Variants in GRM4 observed in about 807,000 individuals in gnomAD.
The protein encoded by GRM4 is glutamate metabotropic receptor 4, also known as metabotropic glutamate receptor 4.
Under a neutral mutation model 81.7 loss-of-function variants are expected in GRM4, and 28 were observed. That is an observed-to-expected ratio of 0.34 (90% CI 0.25 to 0.47). GRM4 has a LOEUF of 0.47. Among genes scored for constraint, GRM4 ranks in the 20% least tolerant of loss-of-function variants. The probability of loss-of-function intolerance (pLI) is 1.00; values close to 1 mark genes in which losing one functional copy is unlikely to be tolerated. For missense variants in GRM4, 948 were observed against 1,290.0 expected (o/e 0.73, Z 4.06); for synonymous variants, 488 against 528.8 (o/e 0.92, Z 1.06).
In GRM4 at chr6:34,069,081, A is replaced by C. The variant is rs117116581; in HGVS notation, c.737-7053T>G. 6.6e-6 allele frequency among the ~76,000 whole-genome samples: 1 copy of C among 151,830 alleles called. No individual in the cohort carries two copies. The highest frequency in any genetic ancestry group is 2.4e-5 in the African/African-American group (1 of 41,320). ...GGGAGTTACACACAGGGACAGGGGC[A>C]GGAGAGCAGGTCCCCCCGGCTCCCA... On this transcript the variant is annotated intron_variant, in intron 3 of 10. Transcript: ENST00000538487. This position sits in a 1 kb window ranked among gnomAD's most constrained non-coding sequence, Gnocchi z 6.4.
chr6:34,028,233 C>T lies in GRM4; in HGVS notation c.2576G>A (p.Ser859Asn). 6.2e-7 allele frequency: 1 copy of T among 1,614,102 alleles called. No individual in the cohort carries two copies. Among genetic ancestry groups the T allele is most frequent in the Non-Finnish European group, 8.5e-7 (1 of 1,180,026 alleles). Reference sequence around the variant, plus strand: ...GGCCGCCGTAACGACGGCTTTGAGGCTGCGCTTGCGCTTGGGCACGTTCTG... The same window carrying T: ...GGCCGCCGTAACGACGGCTTTGAGGTTGCGCTTGCGCTTGGGCACGTTCTG... ...PEQNVPKRKR[S>N]LKAVVTAATM... Residue 859 changes from serine (S) to asparagine (N), a missense_variant, in exon 10 of 11, where the codon AGC (serine) becomes AAC (asparagine). By Grantham distance (46) the Ser-to-Asn change is conservative. Coordinates refer to ENST00000538487, the MANE Select transcript of GRM4 (RefSeq NM_000841.4).
At chr6:34,100,141 G>T in intron 2 of GRM4, 1 of 645,752 alleles carries the variant, frequency 1.5e-6, no homozygotes, top group Non-Finnish European at 1.9e-6. Context: ...CTGTGCTCCA[G>T]TGCAATTGAT....
chr6:34,090,820 AT>A lies in GRM4; in HGVS notation c.736+1062del, dbSNP rs1768163251. Among the ~76,000 whole-genome samples the A allele has an allele frequency of 6.6e-6, 1 of 152,262 alleles. No homozygotes were observed. Among genetic ancestry groups the A allele is most frequent in the South Asian group, 2.1e-4 (1 of 4,820 alleles). ...GAGTCCTGAGGCCATGAGGGTATAA[AT>A]ATACAGACGCCATCACCCAAGGTCT... On this transcript the variant is annotated intron_variant, in intron 3 of 10. Coordinates refer to ENST00000538487, the MANE Select transcript of GRM4 (RefSeq NM_000841.4). This position sits in a 1 kb window ranked among gnomAD's most constrained non-coding sequence, Gnocchi z 5.2.
chr6:34,112,158 C>T (rs145146296), intron 2 of GRM4, among the ~76,000 whole-genome samples: 1 of 152,156 alleles, frequency 6.6e-6, no homozygotes, highest in Non-Finnish European at 1.5e-5. Context: ...TGAAATTAAT[C>T]AAACTTCTCC....
chr6:34,123,129 G>A (rs551560317), intron 2 of GRM4, among the ~76,000 whole-genome samples: 1 of 152,292 alleles, frequency 6.6e-6, no homozygotes, highest in South Asian at 2.1e-4. Flanking sequence ...GCAGAGGCAG[G>A]CCCCAAAAGC....
Position 34,020,868 on chromosome 6 carries a change from T to A in GRM4, c.*1953A>T, listed in dbSNP as rs1052909857. ...GTCCCAGCCTCAGTTATACACACAC[T>A]CTCATACTCTGTCCCTGCGTGGCCC... is the stretch of plus-strand genomic sequence containing the variant. On this transcript the variant is annotated 3_prime_UTR_variant, in exon 11 of 11. Transcript: ENST00000538487. 3 of 152,186 alleles carry A rather than the reference T, an allele frequency of 2.0e-5. No individual in the cohort carries two copies. The highest frequency in any genetic ancestry group is 2.9e-5 in the Non-Finnish European group (2 of 68,100). 9.4% of individuals were successfully genotyped at this position (152,186 alleles called of 1,614,324 possible).
At chr6:34,071,791 ATCACCAC>A (rs1470170398) in intron 3 of GRM4, among the ~76,000 whole-genome samples, 3 of 145,414 alleles carry the variant, frequency 2.1e-5, no homozygotes, top group South Asian at 2.2e-4. Context: ...TAGACACACA[ATCACCAC>A]TCACCACACA....
In GRM4 at chr6:34,089,687, CT is replaced by C. The variant is rs368552200; in HGVS notation, c.736+2195del. ...TTTTATTTTTCTAGATCATGAAGTC[CT>C]TTTAAAAAATCTTGAGTAGACTTTA... On this transcript the variant is annotated intron_variant, in intron 3 of 10. Transcript: ENST00000538487. This position sits in a 1 kb window ranked among gnomAD's most constrained non-coding sequence, Gnocchi z 4.3. Among the ~76,000 whole-genome samples the C allele has an allele frequency of 3.9e-4, 59 of 152,248 alleles. No homozygotes were observed. The highest frequency in any genetic ancestry group is 1.3e-3 in the African/African-American group (55 of 41,548).
intron 6 of GRM4, chr6:34,056,319 C>G (rs1357557024): frequency 3.5e-6 from 2 of 568,328 alleles, no homozygotes; most frequent in Non-Finnish European, 6.3e-6. Context: ...AGAGGCCTTA[C>G]CACTCCCAAG....
chr6:34,125,131 A>G (rs1310163785), intron 2 of GRM4, among the ~76,000 whole-genome samples: 6 of 151,980 alleles, frequency 3.9e-5, no homozygotes, highest in Admixed American at 6.5e-5. Flanking sequence ...CCGCCACCAC[A>G]CCCAGCTAAT....
chr6:34,115,249 C>CGT lies in GRM4; in HGVS notation c.519+17727_519+17728dup, dbSNP rs36116680. On this transcript the variant is annotated intron_variant, in intron 2 of 10. Coordinates refer to ENST00000538487, the MANE Select transcript of GRM4 (RefSeq NM_000841.4). This position sits in a 1 kb window ranked among gnomAD's most constrained non-coding sequence, Gnocchi z 4.1. Reference sequence around the variant, plus strand: ...GCATGTGTGCGTGCGTGCGTGTATGCGTGTGTGTGTGTGTGCATGCGTGTG... The same window carrying CGT: ...GCATGTGTGCGTGCGTGCGTGTATGCGTGTGTGTGTGTGTGTGCATGCGTGTG... Among the ~76,000 whole-genome samples the CGT allele has an allele frequency of 0.074, 11,192 of 151,250 alleles. 899 individuals are homozygous for CGT. The highest frequency in any genetic ancestry group is 0.21 in the African/African-American group (8,669 of 41,394).
Position 34,152,245 on chromosome 6 carries a change from C to A in GRM4, c.312+2834G>T, listed in dbSNP as rs1223505635. 6.6e-6 allele frequency among the ~76,000 whole-genome samples: 1 copy of A among 152,162 alleles called. No individual in the cohort carries two copies. The highest frequency in any genetic ancestry group is 1.5e-5 in the Non-Finnish European group (1 of 68,032). ...AGAGAGCTGGACGTAGGCCCCGGGA[C>A]CTCCCACCGGCAGAGCCTGGAGGAG... On this transcript the variant is annotated intron_variant, in intron 1 of 8. Coordinates refer to the GRM4 transcript ENST00000374177. This position sits in a 1 kb window ranked among gnomAD's most constrained non-coding sequence, Gnocchi z 4.1.
intron 2 of GRM4, among the ~76,000 whole-genome samples, chr6:34,104,737 TC>T (rs942242734): frequency 6.6e-6 from 1 of 152,074 alleles, no homozygotes; most frequent in Non-Finnish European, 1.5e-5. Flanking sequence ...CCCCACCACA[TC>T]CCTTGGGTGC....
intron 1 of GRM4, among the ~76,000 whole-genome samples, chr6:34,140,899 C>T (rs949674502): frequency 1.3e-5 from 2 of 152,254 alleles, no homozygotes; most frequent in African/African-American, 2.4e-5. Context: ...CCAAACTGCA[C>T]CGCATGAATA....
chr6:34,101,969 A>G, intron 2 of GRM4: 1 of 1,522,728 alleles, frequency 6.6e-7, no homozygotes, highest in South Asian at 1.2e-5. Flanking sequence ...GTGGACCTCC[A>G]CTGCCACCTG....
rs1174406175 is a variant in GRM4, at chr6:34,034,705, G to A, written c.2442+963C>T. Among the ~76,000 whole-genome samples, 1 of 152,240 alleles carries A rather than the reference G, an allele frequency of 6.6e-6. No individual in the cohort carries two copies. The highest frequency in any genetic ancestry group is 2.4e-5 in the African/African-American group (1 of 41,456). On this transcript the variant is annotated intron_variant, in intron 9 of 10. Coordinates refer to ENST00000538487, the MANE Select transcript of GRM4 (RefSeq NM_000841.4). This position sits in a 1 kb window ranked among gnomAD's most constrained non-coding sequence, Gnocchi z 4.0. ...GTGACAATACCTGGAAAGACTGCAG[G>A]GAAAGGGACATGGTCCCAATTTACT...
intron 1 of GRM4, among the ~76,000 whole-genome samples, chr6:34,144,589 C>T (rs1179682769): frequency 1.3e-5 from 2 of 152,174 alleles, no homozygotes; most frequent in Non-Finnish European, 2.9e-5. Flanking sequence ...GAAGGCGGCG[C>T]TGGGGCGGGC....
chr6:34,047,910 C>T lies in GRM4; in HGVS notation c.1169-7162G>A, dbSNP rs193122423. ...TTCAACCTTGAGCCAGCCACAGGCT[C>T]CTTTTGAAGGAAACCATTCTTGCAA... On this transcript the variant is annotated intron_variant, in intron 6 of 10. Coordinates refer to ENST00000538487, the MANE Select transcript of GRM4 (RefSeq NM_000841.4). This position sits in a 1 kb window ranked among gnomAD's most constrained non-coding sequence, Gnocchi z 4.5. 2.0e-5 allele frequency among the ~76,000 whole-genome samples: 3 copies of T among 152,158 alleles called. No individual in the cohort carries two copies. In the East Asian group the frequency reaches 5.8e-4, roughly 29 times the overall value.
intron 2 of GRM4, among the ~76,000 whole-genome samples, chr6:34,128,657 C>A (rs994687201): frequency 6.6e-6 from 1 of 152,060 alleles, no homozygotes; most frequent in Admixed American, 6.5e-5. Context: ...GGATTACAGG[C>A]GTGAGCCACC....
Sources: allele counts gnomAD v4.1 joint callset (sites outside exome capture counted in the v4.1 genomes callset), GRCh38; gene constraint gnomAD v4.1.1; non-coding constraint Gnocchi (gnomAD v3.1); transcripts MANE v1.5; gene names NCBI Gene and HGNC (gene_info 2026-07-23, HGNC 2026-07-21).